The following IQGAP2 variants were observed in gnomAD, a reference collection of about 807,000 sequenced individuals.
IQGAP2 encodes ras GTPase-activating-like protein IQGAP2.
In IQGAP2, 173 loss-of-function variants were observed where a neutral mutation model predicts 201.3. That is an observed-to-expected ratio of 0.86 (90% CI 0.76 to 0.98). The LOEUF (loss-of-function observed/expected upper bound fraction) is 0.98. IQGAP2 is among the 50% of genes least tolerant of loss of function. The pLI, the probability that IQGAP2 is intolerant of heterozygous loss-of-function variation, is 0.00. For synonymous variants in IQGAP2, 675 were observed against 673.9 expected (o/e 1.00, Z -0.03); for missense variants, 1,687 against 1,864.8 (o/e 0.90, Z 1.76).
At position 76,652,771 on chromosome 5, in the gene IQGAP2, C is replaced by A. The variant is rs534424829; in HGVS notation, c.2116C>A (p.Gln706Lys). 2.9e-5 allele frequency: 46 copies of A among 1,610,806 alleles called. No homozygotes were observed. In the Admixed American group the frequency reaches 3.2e-4, roughly 11 times the overall value. ...TTAGGCTTTTTGGAAAGGATATAAACAACGGAAGGAGTATATGCACAGGCG... is the reference window on the plus strand; with the variant it reads ...TTAGGCTTTTTGGAAAGGATATAAAAAACGGAAGGAGTATATGCACAGGCG... ...KIQAFWKGYKQRKEYMHRRQT... is the reference protein window; with the variant it reads ...KIQAFWKGYKKRKEYMHRRQT... Residue 706 changes from glutamine to lysine, a missense_variant, in exon 18 of 36, where the codon CAA becomes AAA. Transcript: ENST00000274364.
intron 27 of IQGAP2, among the ~76,000 whole-genome samples, chr5:76,676,457 G>A (rs1286231579): frequency 1.3e-5 from 2 of 152,176 alleles, no homozygotes; most frequent in Admixed American, 6.5e-5. Flanking sequence ...GAGAGATGCC[G>A]ACAATGATTT....
chr5:76,481,785 G>T (rs1436371585), intron 2 of IQGAP2, among the ~76,000 whole-genome samples: 1 of 152,204 alleles, frequency 6.6e-6, no homozygotes, highest in Non-Finnish European at 1.5e-5. Context: ...CTGCAGCTCA[G>T]ACTAGCTGCA....
chr5:76,416,183 C>G (rs1292753466), intron 1 of IQGAP2, among the ~76,000 whole-genome samples: 1 of 152,136 alleles, frequency 6.6e-6, no homozygotes, highest in African/African-American at 2.4e-5. Context: ...GGGTTTATGA[C>G]CAAATGCCTT....
In IQGAP2 at chr5:76,674,676, A is replaced by G; in HGVS notation, c.3494A>G (p.Asn1165Ser). The change falls in exon 27 of 36, where the codon AAC becomes AGC. Residue 1165 changes from asparagine (N) to serine (S), a missense_variant. Asn to Ser is a conservative substitution (Grantham distance 46). Transcript: ENST00000274364. Reference protein sequence around the residue: ...EGENEHLSSMNNYLSETYQEF... With the variant: ...EGENEHLSSMSNYLSETYQEF... Reference sequence around the variant, plus strand: ...GAAAATGAGCATCTCTCATCTATGAACAATTATTTATCAGAGACGTATCAG... The same window carrying G: ...GAAAATGAGCATCTCTCATCTATGAGCAATTATTTATCAGAGACGTATCAG... The G allele has an allele frequency of 6.2e-7, 1 of 1,614,038 alleles. No individual in the cohort carries two copies. Among genetic ancestry groups the G allele is most frequent in the Non-Finnish European group, 8.5e-7 (1 of 1,179,864 alleles).
intron 1 of IQGAP2, among the ~76,000 whole-genome samples, chr5:76,431,468 T>C (rs950675390): frequency 4.6e-5 from 7 of 152,176 alleles, no homozygotes; most frequent in Non-Finnish European, 7.3e-5. Context: ...TGGGCACAGA[T>C]GGGCACTAGT....
At chr5:76,617,274 G>A (rs753600254) in intron 13 of IQGAP2, 19 of 225,960 alleles carry the variant, frequency 8.4e-5, no homozygotes, top group East Asian at 3.8e-4. Flanking sequence ...GTGAAACCCC[G>A]TCTCTACTAA....
chr5:76,564,505 TC>T (rs1744602853), intron 3 of IQGAP2, among the ~76,000 whole-genome samples: 1 of 152,216 alleles, frequency 6.6e-6, no homozygotes, highest in Non-Finnish European at 1.5e-5. Flanking sequence ...GTGTGCTAGT[TC>T]TTTTCTCTTC....
chr5:76,702,230 C>T (rs1467380726), intron 34 of IQGAP2, among the ~76,000 whole-genome samples: 1 of 152,134 alleles, frequency 6.6e-6, no homozygotes, highest in Admixed American at 6.5e-5. Context: ...AGGACCGTAT[C>T]TTCTATTTCT....
intron 1 of IQGAP2, among the ~76,000 whole-genome samples, chr5:76,438,781 C>T (rs1426478118): frequency 2.0e-5 from 3 of 152,138 alleles, no homozygotes; most frequent in Admixed American, 6.5e-5. Context: ...TGAATCTTCT[C>T]TCTCATTTTC....
chr5:76,654,392 G>T, intron 19 of IQGAP2, 121 bp downstream of exon 19: 2 of 635,250 alleles, frequency 3.1e-6, no homozygotes, highest in Non-Finnish European at 2.7e-6. Context: ...AGAAATAATG[G>T]ATCTTAGAAC....
At chr5:76,565,791 A>T (rs1744704434) in intron 3 of IQGAP2, among the ~76,000 whole-genome samples, 1 of 152,180 alleles carries the variant, frequency 6.6e-6, no homozygotes, top group Non-Finnish European at 1.5e-5. Flanking sequence ...CATACTCAGT[A>T]TGCTGAGTGT....
chr5:76,416,062 C>T (rs534313189), intron 1 of IQGAP2, among the ~76,000 whole-genome samples: 64 of 152,244 alleles, frequency 4.2e-4, no homozygotes, highest in African/African-American at 1.5e-3. Context: ...GGAGTGTTCT[C>T]TTGACTCACA....
intron 2 of IQGAP2, among the ~76,000 whole-genome samples, chr5:76,519,188 A>G (rs1758522285): frequency 6.6e-6 from 1 of 152,214 alleles, no homozygotes; most frequent in African/African-American, 2.4e-5. Context: ...CATTATTCCT[A>G]AAAGTAGCCC....
At chr5:76,619,401 A>C (rs776307507) in intron 13 of IQGAP2, among the ~76,000 whole-genome samples, 10 of 152,068 alleles carry the variant, frequency 6.6e-5, no homozygotes, top group Admixed American at 2.0e-4. Context: ...CCATTGTGTT[A>C]GGCAGAATAG....
In IQGAP2 at chr5:76,582,783, A is replaced by ACTACTACT. The variant is rs1745962383; in HGVS notation, c.459-6123_459-6122insCTACTACT. ...GGAAAAATTTGGTTCAGTAGATAACAACTACTACTACTACTACTACTATAT... is the reference window on the plus strand; with the variant it reads ...GGAAAAATTTGGTTCAGTAGATAACACTACTACTACTACTACTACTACTACTACTATAT... On this transcript the variant is annotated intron_variant, in intron 5 of 35. Coordinates refer to ENST00000274364, the MANE Select transcript of IQGAP2 (RefSeq NM_006633.5). Among the ~76,000 whole-genome samples, 5 of 151,832 alleles carry ACTACTACT rather than the reference A, an allele frequency of 3.3e-5. No individual in the cohort carries two copies. The East Asian group carries it at 7.8e-4, about 24-fold the overall frequency.
At chr5:76,648,056 C>A (rs1429452076) in intron 17 of IQGAP2, among the ~76,000 whole-genome samples, 1 of 152,012 alleles carries the variant, frequency 6.6e-6, no homozygotes, top group East Asian at 1.9e-4. Context: ...TTCACACCAT[C>A]CAGTTGTAAT....
At chr5:76,702,342 G>A in intron 34 of IQGAP2, 140 bp from the exon 35 acceptor site, 1 of 578,090 alleles carries the variant, frequency 1.7e-6, no homozygotes, top group African/African-American at 1.9e-5. Context: ...AAGATGACGT[G>A]AGGTTTTTGG....
Position 76,499,276 on chromosome 5 carries a change from G to A in IQGAP2, c.146+37607G>A, listed in dbSNP as rs554353077. Among the ~76,000 whole-genome samples the A allele has an allele frequency of 2.0e-5, 3 of 152,284 alleles. No individual in the cohort carries two copies. The South Asian group carries it at 6.2e-4, about 32-fold the overall frequency. The stretch of plus-strand genomic sequence containing the variant: ...GGTTGTCTTTTTTGTGCTGGAGAGG[G>A]TTTCTTCTGAAATGTAAGCACCTGG... On this transcript the variant is annotated intron_variant, in intron 2 of 35. Coordinates refer to ENST00000274364, the MANE Select transcript of IQGAP2 (RefSeq NM_006633.5).
At chr5:76,559,785 G>C (rs1411022633) in intron 2 of IQGAP2, among the ~76,000 whole-genome samples, 1 of 152,148 alleles carries the variant, frequency 6.6e-6, no homozygotes, top group Non-Finnish European at 1.5e-5. Flanking sequence ...CTGGGGACTC[G>C]TTTTCTTCCA....
Sources: gnomAD v4.1 joint callset for allele counts (sites outside exome capture counted in the v4.1 genomes callset) on GRCh38, gnomAD v4.1.1 for gene constraint, MANE v1.5 for transcripts, NCBI Gene and HGNC (gene_info 2026-07-23, HGNC 2026-07-21) for gene names.